ELP1: variants seen among roughly 807,000 people sequenced by gnomAD.
ELP1 encodes elongator complex protein 1.
ELP1 carries 131 observed loss-of-function variants against 183.2 expected under a neutral mutation model. The observed-to-expected ratio is 0.72, with a 90% CI of 0.62 to 0.83. The LOEUF is 0.83. Among genes scored for constraint, ELP1 ranks in the 40% least tolerant of loss-of-function variants. ELP1 has a pLI of 0.00. For synonymous variants in ELP1, 555 were observed against 569.0 expected (o/e 0.98, Z 0.35); for missense variants, 1,550 against 1,594.9 (o/e 0.97, Z 0.48).
intron 35 of ELP1, among the ~76,000 whole-genome samples, chr9:108,876,264 C>A (rs1343349236): frequency 1.3e-5 from 2 of 151,870 alleles, no homozygotes; most frequent in African/African-American, 2.4e-5. Flanking sequence ...AGAGTGAGAC[C>A]CTGTCTCAAA....
chr9:108,918,827 G>C lies in ELP1; in HGVS notation c.724C>G (p.Pro242Ala). ...CCCACTCACTTCCAAGCCAGGGCTG[G>C]TCCCAGTCCTGCCACAGGCTCACTG... is the stretch of plus-strand genomic sequence containing the variant. ...STSEPVAGLGPALAWKPSGSL... is the reference protein window; with the variant it reads ...STSEPVAGLGAALAWKPSGSL... Residue 242 changes from proline (P) to alanine (A), a missense_variant, in exon 8 of 37, where the codon CCA (proline) becomes GCA (alanine). Coordinates refer to ENST00000374647, the MANE Select transcript of ELP1 (RefSeq NM_003640.5). 1.2e-6 allele frequency: 2 copies of C among 1,613,772 alleles called. No individual in the cohort carries two copies. The highest frequency in any genetic ancestry group is 1.7e-6 in the Non-Finnish European group (2 of 1,179,760).
At chr9:108,926,048 C>G (rs184219618) in intron 5 of ELP1, among the ~76,000 whole-genome samples, 1 of 152,324 alleles carries the variant, frequency 6.6e-6, no homozygotes, top group Admixed American at 6.5e-5. Context: ...GCTTAATAAG[C>G]GTCTCTCTTC....
At chr9:108,896,451 A>T (rs1430940746) in intron 25 of ELP1, 45 bp downstream of exon 25, 3 of 1,590,918 alleles carry the variant, frequency 1.9e-6, no homozygotes, top group Admixed American at 3.3e-5. Flanking sequence ...CACTATCATT[A>T]TATAAACAAG....
intron 11 of ELP1, 91 bp from the exon 12 acceptor site, chr9:108,911,271 ATGGC>A: frequency 1.7e-6 from 2 of 1,196,064 alleles, no homozygotes; most frequent in Admixed American, 2.0e-5. Flanking sequence ...CTAAACAATA[ATGGC>A]AATTCACAAA....
chr9:108,896,928 A>T, intron 24 of ELP1, 25 bp downstream of exon 24: 1 of 1,599,876 alleles, frequency 6.3e-7, no homozygotes, highest in Non-Finnish European at 8.6e-7. Context: ...CACCTTAAGC[A>T]CTTTCTCTGT....
At chr9:108,929,681 T>C (rs1314177994) in intron 3 of ELP1, 88 bp downstream of exon 3, 2 of 1,320,052 alleles carry the variant, frequency 1.5e-6, no homozygotes, top group East Asian at 4.6e-5. Flanking sequence ...GTAACTATTA[T>C]GGCTACTGAT....
chr9:108,875,969 G>C (rs1045832812), intron 35 of ELP1, among the ~76,000 whole-genome samples: 2 of 151,906 alleles, frequency 1.3e-5, no homozygotes, highest in African/African-American at 4.8e-5. Context: ...CATGGGAGTG[G>C]TATTATAAAT....
chr9:108,921,677 A>C (rs1829651951), intron 6 of ELP1, among the ~76,000 whole-genome samples: 1 of 152,104 alleles, frequency 6.6e-6, no homozygotes. Flanking sequence ...CAAAGAAGCA[A>C]GGTTGTGTCT....
At chr9:108,900,192 A>G (rs564855353) in intron 19 of ELP1, 68 bp downstream of exon 19, 4 of 1,119,934 alleles carry the variant, frequency 3.6e-6, no homozygotes, top group Non-Finnish European at 4.1e-6. Context: ...TACAACCTGC[A>G]AGAATTATGC....
chr9:108,879,667 G>T, intron 32 of ELP1, 110 bp from the exon 33 acceptor site: 1 of 757,808 alleles, frequency 1.3e-6, no homozygotes, highest in Non-Finnish European at 2.4e-6. Context: ...ATCAAAGGAT[G>T]GATGAAAATG....
chr9:108,889,689 C>A (rs561188818), intron 28 of ELP1: 2 of 437,984 alleles, frequency 4.6e-6, no homozygotes, highest in Non-Finnish European at 8.4e-6. Context: ...CAGTAAGAGA[C>A]CACTATTTCT....
rs932521430 is a variant in ELP1 at position 108,911,330 on chromosome 9, T to C, written c.1190-150A>G. The C allele has an allele frequency of 2.0e-5, 16 of 812,392 alleles. No individual in the cohort carries two copies. The Admixed American group carries it at 3.1e-4, about 16-fold the overall frequency. The allele number at this position is 812,392 out of a possible 1,614,324, so 50.3% of individuals were successfully genotyped here. On this transcript the variant is annotated intron_variant, in intron 11 of 36. Transcript: ENST00000374647. ...TTCTCAGGAACAAGTCTAAAAACAG[T>C]GTGGGATGGGGAAATGTCATGGGTT...
intron 25 of ELP1, among the ~76,000 whole-genome samples, chr9:108,894,953 T>C (rs1042747203): frequency 2.0e-4 from 31 of 152,002 alleles, no homozygotes; most frequent in African/African-American, 7.2e-4. Context: ...AAGAACAACA[T>C]AGGAAGAAAA....
intron 12 of ELP1, among the ~76,000 whole-genome samples, chr9:108,910,585 A>C (rs192875910): frequency 6.6e-6 from 1 of 152,314 alleles, no homozygotes; most frequent in Admixed American, 6.5e-5. Flanking sequence ...ATTCTTGTTC[A>C]AACAAATTAC....
intron 6 of ELP1, among the ~76,000 whole-genome samples, chr9:108,921,666 C>T (rs887386949): frequency 6.6e-6 from 1 of 152,070 alleles, no homozygotes; most frequent in Non-Finnish European, 1.5e-5. Context: ...TGGATCACCC[C>T]CAAAGAAGCA....
At position 108,932,709 on chromosome 9, in the gene ELP1, A is replaced by G. The variant is rs188042314; in HGVS notation, c.-56+1155T>C. 2.0e-5 allele frequency among the ~76,000 whole-genome samples: 3 copies of G among 151,364 alleles called. No homozygotes were observed. The East Asian group carries it at 5.8e-4, about 29-fold the overall frequency. On this transcript the variant is annotated intron_variant, in intron 1 of 36. Coordinates refer to ENST00000374647, the MANE Select transcript of ELP1 (RefSeq NM_003640.5). ...GTTTCTCTGAAATTTCACACCCATC[A>G]GCCTTATTCCCTTATCTTCTCGGAG...
At chr9:108,915,756 G>A (rs931034223) in intron 10 of ELP1, among the ~76,000 whole-genome samples, 5 of 149,930 alleles carry the variant, frequency 3.3e-5, no homozygotes, top group Admixed American at 2.0e-4. Flanking sequence ...ATTTATATTC[G>A]TATTTTTTTC....
chr9:108,916,867 G>C (rs1024174663), intron 9 of ELP1, among the ~76,000 whole-genome samples: 7 of 152,168 alleles, frequency 4.6e-5, no homozygotes, highest in Non-Finnish European at 7.4e-5. Flanking sequence ...ATTTTACACA[G>C]AGATACCATT....
chr9:108,891,060 A>T, intron 28 of ELP1, 143 bp downstream of exon 28: 4 of 804,416 alleles, frequency 5.0e-6, no homozygotes, highest in South Asian at 4.6e-5. Context: ...TTATCCTTTA[A>T]AGCATTCTAA....
Sources: gnomAD v4.1 joint callset for allele counts (sites outside exome capture counted in the v4.1 genomes callset) on GRCh38, gnomAD v4.1.1 for gene constraint, MANE v1.5 for transcripts, NCBI Gene and HGNC (gene_info 2026-07-23, HGNC 2026-07-21) for gene names.